Variants in SH3TC2 observed in about 807,000 individuals in gnomAD.
SH3TC2 encodes SH3 domain and tetratricopeptide repeats 2, also known as SH3 domain and tetratricopeptide repeat-containing protein 2.
Under a neutral mutation model 124.5 loss-of-function variants are expected in SH3TC2, and 87 were observed. That is an observed-to-expected ratio of 0.70 (90% CI 0.59 to 0.84). The LOEUF is 0.84. Among genes scored for constraint, SH3TC2 ranks in the 40% least tolerant of loss-of-function variants. SH3TC2 has a pLI of 0.00. For missense variants in SH3TC2, 1,536 were observed against 1,566.4 expected (o/e 0.98, Z 0.33); for synonymous variants, 634 against 628.5 (o/e 1.01, Z -0.13).
In SH3TC2 at chr5:148,986,070, CT is replaced by C. The variant is rs1753327889; in HGVS notation, c.*18640del. Among the ~76,000 whole-genome samples the C allele has an allele frequency of 6.6e-6, 1 of 152,170 alleles. No individual in the cohort carries two copies. The highest frequency in any genetic ancestry group is 1.5e-5 in the Non-Finnish European group (1 of 68,028). On this transcript the variant is annotated 3_prime_UTR_variant, in exon 17 of 17. Transcript: ENST00000515425. The stretch of plus-strand genomic sequence containing the variant: ...AAATTAGAACTCATTAGTTCAACTT[CT>C]TTAAGTAAGGCTGTTTTGATCCAAT...
chr5:149,013,566 A>G (rs1033569665), intron 12 of SH3TC2, among the ~76,000 whole-genome samples: 7 of 152,218 alleles, frequency 4.6e-5, no homozygotes, highest in African/African-American at 1.4e-4. Context: ...GTAACTTTAA[A>G]TCATCGAAAA....
chr5:148,997,331 T>G lies in SH3TC2; in HGVS notation c.*7380A>C, dbSNP rs1250616473. On this transcript the variant is annotated 3_prime_UTR_variant, in exon 17 of 17. Transcript: ENST00000515425. Reference sequence around the variant, plus strand: ...CCAACCTGGAATCTTCTTCAAAACATAACTTACTGATCTTATAATTTGTTT... The same window carrying G: ...CCAACCTGGAATCTTCTTCAAAACAGAACTTACTGATCTTATAATTTGTTT... Among the ~76,000 whole-genome samples, 2 of 152,226 alleles carry G rather than the reference T, an allele frequency of 1.3e-5. No individual in the cohort carries two copies. Among genetic ancestry groups the G allele is most frequent in the African/African-American group, 4.8e-5 (2 of 41,460 alleles).
chr5:149,025,091 CTCAATAGTTAAT>C (rs1189638384), intron 12 of SH3TC2, among the ~76,000 whole-genome samples: 1 of 152,170 alleles, frequency 6.6e-6, no homozygotes, highest in Admixed American at 6.5e-5. Flanking sequence ...ACTATGTCAT[CTCAATAGTTAAT>C]TCAAGCCTGC....
chr5:149,029,028 G>A (rs1288634770), intron 9 of SH3TC2, among the ~76,000 whole-genome samples: 1 of 125,322 alleles, frequency 8.0e-6, no homozygotes, highest in South Asian at 3.1e-4. Context: ...GGGGTGGGGG[G>A]TGGGGACAGT....
intron 12 of SH3TC2, among the ~76,000 whole-genome samples, chr5:149,014,382 C>A (rs1167922653): frequency 6.6e-6 from 1 of 152,210 alleles, no homozygotes; most frequent in East Asian, 1.9e-4. Context: ...TCAATCACAT[C>A]TATGGACACT....
At chr5:149,030,565 C>G (rs1427501602) in intron 9 of SH3TC2, among the ~76,000 whole-genome samples, 1 of 152,260 alleles carries the variant, frequency 6.6e-6, no homozygotes, top group Non-Finnish European at 1.5e-5. Flanking sequence ...TAGCTTCCTG[C>G]TCAACCTCAT....
At chr5:149,045,989 G>T (rs749857449) in intron 3 of SH3TC2, 5 of 423,340 alleles carry the variant, frequency 1.2e-5, no homozygotes, top group South Asian at 8.4e-5. Flanking sequence ...CTGAATCACT[G>T]CCCAGACTTA....
chr5:149,047,739 C>T, intron 3 of SH3TC2, 123 bp downstream of exon 3: 2 of 1,235,408 alleles, frequency 1.6e-6, no homozygotes, highest in Non-Finnish European at 2.4e-6. Context: ...TTCATTCAGT[C>T]TACCTATTAG....
chr5:149,012,858 G>C (rs1753807600), intron 12 of SH3TC2, 124 bp from the exon 13 acceptor site: 1 of 1,123,906 alleles, frequency 8.9e-7, no homozygotes, highest in South Asian at 1.3e-5. Context: ...AGGGAGGTGG[G>C]CCTGATTGAA....
intron 12 of SH3TC2, among the ~76,000 whole-genome samples, chr5:149,014,605 C>T (rs567577875): frequency 9.2e-5 from 14 of 152,312 alleles, no homozygotes; most frequent in African/African-American, 3.4e-4. Flanking sequence ...CTCTTCCTCC[C>T]TGCTCTTAAC....
At chr5:149,036,331 G>A (rs1036504340) in intron 8 of SH3TC2, among the ~76,000 whole-genome samples, 5 of 151,980 alleles carry the variant, frequency 3.3e-5, no homozygotes, top group Non-Finnish European at 7.4e-5. Context: ...TTCCTCACTT[G>A]GCCCTGCTGT....
In SH3TC2 at chr5:149,042,734, T is replaced by C; in HGVS notation, c.489A>G (p.Lys163=). ...DTEIQVSVDD[K]HLETIYLGLL... Reference sequence around the variant, plus strand: ...GTCCCAGGTATATTGTTTCCAGGTGTTTATCATCTACAGACACTTGGATCT... The same window carrying C: ...GTCCCAGGTATATTGTTTCCAGGTGCTTATCATCTACAGACACTTGGATCT... Residue 163 remains lysine (K), a synonymous_variant, in exon 5 of 17, where the codon AAA becomes AAG. Coordinates refer to ENST00000515425, the MANE Select transcript of SH3TC2 (RefSeq NM_024577.4). The C allele has an allele frequency of 6.2e-6, 10 of 1,614,196 alleles. No individual in the cohort carries two copies. Among genetic ancestry groups the C allele is most frequent in the Non-Finnish European group, 8.5e-6 (10 of 1,180,026 alleles).
At chr5:149,021,860 A>C (rs1753975586) in intron 12 of SH3TC2, among the ~76,000 whole-genome samples, 1 of 147,832 alleles carries the variant, frequency 6.8e-6, no homozygotes, top group Non-Finnish European at 1.5e-5. Context: ...AGGAGAATTA[A>C]CACCAATCCT....
intron 3 of SH3TC2, chr5:149,046,424 A>G (rs964383366): frequency 6.6e-6 from 1 of 152,274 alleles, no homozygotes; most frequent in Non-Finnish European, 1.5e-5. Context: ...CTTCTGAACT[A>G]AAAGATAAGG....
At chr5:149,051,393 T>A (rs1465135179) in intron 2 of SH3TC2, among the ~76,000 whole-genome samples, 1 of 152,216 alleles carries the variant, frequency 6.6e-6, no homozygotes, top group East Asian at 1.9e-4. Flanking sequence ...AGTACTATGT[T>A]GGGTATCATA....
chr5:149,012,622 G>C lies in SH3TC2; in HGVS notation c.3166C>G (p.Leu1056Val). 1 of 1,614,180 alleles carries C rather than the reference G, an allele frequency of 6.2e-7. No homozygotes were observed. Among genetic ancestry groups the C allele is most frequent in the South Asian group, 1.1e-5 (1 of 91,082 alleles). The change falls in exon 13 of 17, where the codon CTC becomes GTC. Residue 1056 changes from leucine to valine, a missense_variant. By Grantham distance (32) the Leu-to-Val change is conservative. Coordinates refer to ENST00000515425, the MANE Select transcript of SH3TC2 (RefSeq NM_024577.4). The part of the protein sequence containing the change: ...AWLGAGRLHY[L>V]MQEDELVELC... ...TCCACCAGCTCGTCTTCCTGCATGA[G>C]GTAGTGGAGTCGCCCCGCCCCAAGC...
At chr5:149,018,947 C>T (rs551804769) in intron 12 of SH3TC2, among the ~76,000 whole-genome samples, 1 of 152,332 alleles carries the variant, frequency 6.6e-6, no homozygotes, top group South Asian at 2.1e-4. Flanking sequence ...TCCCTACAAA[C>T]CTCCCCCTAC....
intron 1 of SH3TC2, among the ~76,000 whole-genome samples, chr5:149,055,714 C>T (rs1291630942): frequency 6.6e-6 from 1 of 152,128 alleles, no homozygotes; most frequent in African/African-American, 2.4e-5. Context: ...AGAACCCAAA[C>T]TTGGCTACAA....
rs565839616 is a variant in SH3TC2 at position 149,059,177 on chromosome 5, A to C, written c.52+3794T>G. On this transcript the variant is annotated intron_variant, in intron 1 of 16. Transcript: ENST00000515425. Reference sequence around the variant, plus strand: ...AGCTCCACTCCCAATTTTACTGTTGAGAAACTAAAGGCCCAGAGAGGAGTC... The same window carrying C: ...AGCTCCACTCCCAATTTTACTGTTGCGAAACTAAAGGCCCAGAGAGGAGTC... Among the ~76,000 whole-genome samples the C allele has an allele frequency of 2.0e-5, 3 of 152,280 alleles. No homozygotes were observed. The East Asian group carries it at 5.8e-4, about 29-fold the overall frequency.
Sources: gnomAD v4.1 joint callset for allele counts (sites outside exome capture counted in the v4.1 genomes callset) on GRCh38, gnomAD v4.1.1 for gene constraint, MANE v1.5 for transcripts, NCBI Gene and HGNC (gene_info 2026-07-23, HGNC 2026-07-21) for gene names.